RALYL: variants seen among roughly 807,000 people sequenced by gnomAD.
The protein encoded by RALYL is RNA-binding Raly-like protein.
RALYL carries 29 observed loss-of-function variants against 35.1 expected under a neutral mutation model. The observed-to-expected ratio is 0.83, with a 90% CI of 0.61 to 1.13. The LOEUF (loss-of-function observed/expected upper bound fraction) is 1.13, where lower values mean the gene tolerates loss of function less well. RALYL is among the 50% of genes most tolerant of loss of function. RALYL has a pLI of 0.00. For missense variants in RALYL, 359 were observed against 360.4 expected, an observed-to-expected ratio of 1.00 and a Z score of 0.03; for synonymous variants, 120 against 127.6, an observed-to-expected ratio of 0.94 and a Z score of 0.40.
intron 1 of RALYL, among the ~76,000 whole-genome samples, chr8:84,528,495 A>T (rs537273541): frequency 2.0e-5 from 3 of 152,282 alleles, no homozygotes; most frequent in African/African-American, 7.2e-5. Flanking sequence ...ATTTTTAAAA[A>T]TACTAGCAAT....
intron 1 of RALYL, among the ~76,000 whole-genome samples, chr8:84,203,419 A>T (rs903221554): frequency 3.3e-5 from 5 of 152,008 alleles, no homozygotes; most frequent in South Asian, 2.1e-4. Context: ...TAATTTACCC[A>T]TGTGTTAAGT....
intron 2 of RALYL, among the ~76,000 whole-genome samples, chr8:84,614,655 A>G (rs757204932): frequency 6.6e-6 from 1 of 151,716 alleles, no homozygotes; most frequent in East Asian, 1.9e-4. Context: ...GGCAAAAACC[A>G]CAATTACCTT....
chr8:84,601,561 T>C (rs1815962418), intron 2 of RALYL, among the ~76,000 whole-genome samples: 1 of 151,782 alleles, frequency 6.6e-6, no homozygotes, highest in South Asian at 2.1e-4. Context: ...CCTAATTCCA[T>C]CTTCCTGCCT....
At chr8:84,846,062 G>C (rs1176280424) in intron 4 of RALYL, among the ~76,000 whole-genome samples, 1 of 152,170 alleles carries the variant, frequency 6.6e-6, no homozygotes, top group Non-Finnish European at 1.5e-5. Flanking sequence ...TTTGAAGTAG[G>C]ATAATGTGAT....
intron 4 of RALYL, among the ~76,000 whole-genome samples, chr8:84,837,734 A>AT (rs756252705): frequency 3.3e-5 from 5 of 152,236 alleles, no homozygotes; most frequent in Admixed American, 1.3e-4. Context: ...TCTTGAGAGA[A>AT]TGTGAATGAT....
intron 1 of RALYL, among the ~76,000 whole-genome samples, chr8:84,255,856 G>C (rs919334700): frequency 6.6e-6 from 1 of 152,074 alleles, no homozygotes; most frequent in Non-Finnish European, 1.5e-5. Context: ...ATGAGATATT[G>C]CATATAATTT....
intron 2 of RALYL, among the ~76,000 whole-genome samples, chr8:84,694,484 C>T (rs1318484539): frequency 6.6e-6 from 1 of 151,638 alleles, no homozygotes; most frequent in Non-Finnish European, 1.5e-5. Context: ...TAGAAAAATG[C>T]CTGTGTTTAT....
chr8:84,355,294 C>T (rs1246004726), intron 1 of RALYL, among the ~76,000 whole-genome samples: 1 of 150,412 alleles, frequency 6.6e-6, no homozygotes, highest in Non-Finnish European at 1.5e-5. Flanking sequence ...CCCCATATCG[C>T]ATAGTTTAGT....
intron 4 of RALYL, among the ~76,000 whole-genome samples, chr8:84,813,321 T>G (rs527335026): frequency 1.3e-4 from 20 of 152,318 alleles, no homozygotes; most frequent in African/African-American, 4.8e-4. Flanking sequence ...CTGTGGGTCC[T>G]CTTGGGATTG....
intron 2 of RALYL, among the ~76,000 whole-genome samples, chr8:84,680,339 A>T (rs1430912250): frequency 6.6e-6 from 1 of 152,124 alleles, no homozygotes. Context: ...TAGCAGCATG[A>T]TTTATAATCC....
chr8:84,274,158 C>G (rs1834886741), intron 1 of RALYL, among the ~76,000 whole-genome samples: 2 of 152,006 alleles, frequency 1.3e-5, no homozygotes, highest in Admixed American at 1.3e-4. Context: ...TTTAAAAAAC[C>G]ATAGTACTTA....
intron 1 of RALYL, among the ~76,000 whole-genome samples, chr8:84,326,205 A>G (rs1284502466): frequency 2.6e-5 from 4 of 152,338 alleles, no homozygotes; most frequent in African/African-American, 9.6e-5. Context: ...GAGTATGCAC[A>G]TTATAGTGTC....
intron 1 of RALYL, among the ~76,000 whole-genome samples, chr8:84,413,302 C>T (rs188352905): frequency 1.2e-4 from 18 of 151,270 alleles, no homozygotes; most frequent in African/African-American, 4.1e-4. Context: ...AACATTTTTA[C>T]TAATTCCAAA....
At chr8:84,900,055 TGTG>T (rs201928861) in intron 8 of RALYL, among the ~76,000 whole-genome samples, 2,070 of 152,284 alleles carry the variant, frequency 0.014, 51 homozygotes, top group African/African-American at 0.047. Context: ...TTAAGAGTAT[TGTG>T]GTAGATACAC....
chr8:84,722,827 A>G (rs1844244512), intron 2 of RALYL, among the ~76,000 whole-genome samples: 1 of 148,306 alleles, frequency 6.7e-6, no homozygotes, highest in South Asian at 2.1e-4. Context: ...ATTTTGTATA[A>G]AAAAGGGAGA....
At chr8:84,497,890 C>T (rs1286559783) in intron 1 of RALYL, among the ~76,000 whole-genome samples, 1 of 151,576 alleles carries the variant, frequency 6.6e-6, no homozygotes, top group Non-Finnish European at 1.5e-5. Context: ...ATCTGCTCAC[C>T]TCAGCCTGCC....
At chr8:84,703,233 A>T (rs528655120) in intron 2 of RALYL, among the ~76,000 whole-genome samples, 2 of 152,046 alleles carry the variant, frequency 1.3e-5, no homozygotes, top group Non-Finnish European at 2.9e-5. Context: ...TCCCTCCAAG[A>T]TTCAAGCCAC....
intron 1 of RALYL, among the ~76,000 whole-genome samples, chr8:84,415,204 C>CT (rs113847064): frequency 7.7e-6 from 1 of 129,296 alleles, no homozygotes; most frequent in Admixed American, 8.0e-5. Context: ...TGCAGACACT[C>CT]GTTTTTTTTT....
intron 2 of RALYL, among the ~76,000 whole-genome samples, chr8:84,612,752 C>G (rs1031033093): frequency 3.3e-5 from 5 of 151,550 alleles, no homozygotes; most frequent in Non-Finnish European, 1.5e-5. Context: ...TTACAAACAT[C>G]ATTTAAATGT....
Sources: gnomAD v4.1 joint callset for allele counts (sites outside exome capture counted in the v4.1 genomes callset) on GRCh38, gnomAD v4.1.1 for gene constraint, MANE v1.5 for transcripts, NCBI Gene and HGNC (gene_info 2026-07-23, HGNC 2026-07-21) for gene names.